Variants in ROBO2 observed in about 807,000 individuals in gnomAD.
The protein encoded by ROBO2 is roundabout guidance receptor 2.
A neutral mutation model predicts 160.8 loss-of-function variants in ROBO2; 53 were observed. The observed-to-expected ratio is 0.33, with a 90% CI of 0.26 to 0.41. ROBO2 has a LOEUF of 0.41. Among genes scored for constraint, ROBO2 ranks in the 10% least tolerant of loss-of-function variants. ROBO2 has a pLI of 1.00. For synonymous variants in ROBO2, 664 were observed against 611.7 expected, an observed-to-expected ratio of 1.09 and a Z score of -1.26; for missense variants, 1,577 against 1,722.4, an observed-to-expected ratio of 0.92 and a Z score of 1.49.
intron 2 of ROBO2, among the ~76,000 whole-genome samples, chr3:76,510,732 A>C (rs1408874368): frequency 6.6e-6 from 1 of 152,194 alleles, no homozygotes; most frequent in African/African-American, 2.4e-5. Flanking sequence ...CAAAAAAATA[A>C]AAAATAAAAT....
intron 2 of ROBO2, among the ~76,000 whole-genome samples, chr3:76,169,176 G>C (rs1040983471): frequency 2.0e-5 from 3 of 152,020 alleles, no homozygotes; most frequent in Non-Finnish European, 4.4e-5. Flanking sequence ...CTGTTCCTCT[G>C]GTTCATTTCT....
At chr3:76,530,163 G>A (rs528564136) in intron 2 of ROBO2, among the ~76,000 whole-genome samples, 7 of 152,268 alleles carry the variant, frequency 4.6e-5, no homozygotes, top group South Asian at 2.1e-4. Flanking sequence ...CACGACTACC[G>A]CTTACCCAGC....
intron 2 of ROBO2, among the ~76,000 whole-genome samples, chr3:77,130,493 A>G (rs575730189): frequency 5.3e-5 from 8 of 152,258 alleles, no homozygotes; most frequent in Non-Finnish European, 1.0e-4. Context: ...GTATAACATA[A>G]CCACATTTAT....
intron 2 of ROBO2, among the ~76,000 whole-genome samples, chr3:77,103,001 T>C (rs1379330826): frequency 6.6e-6 from 1 of 152,134 alleles, no homozygotes; most frequent in East Asian, 1.9e-4. Context: ...AGCTAATACA[T>C]AGTTTTCCAA....
chr3:77,007,202 T>C (rs2061625496), intron 2 of ROBO2, among the ~76,000 whole-genome samples: 1 of 152,172 alleles, frequency 6.6e-6, no homozygotes, highest in African/African-American at 2.4e-5. Flanking sequence ...AATCCTTTGT[T>C]AAAAGCTTTG....
chr3:76,579,321 T>C (rs1367634483), intron 2 of ROBO2, among the ~76,000 whole-genome samples: 1 of 152,210 alleles, frequency 6.6e-6, no homozygotes, highest in Admixed American at 6.5e-5. Context: ...TAATTCATTC[T>C]ATTTTTGTTG....
At chr3:76,322,435 A>G (rs1033238284) in intron 2 of ROBO2, among the ~76,000 whole-genome samples, 13 of 151,914 alleles carry the variant, frequency 8.6e-5, no homozygotes, top group African/African-American at 2.7e-4. Context: ...TATATGTTCT[A>G]AAAAGAGTTC....
intron 1 of ROBO2, among the ~76,000 whole-genome samples, chr3:77,090,770 G>A (rs1014010749): frequency 6.6e-6 from 1 of 152,114 alleles, no homozygotes; most frequent in African/African-American, 2.4e-5. Context: ...TTCCTATTGC[G>A]ATGTGTCAGG....
At chr3:76,172,844 A>G (rs2073093801) in intron 2 of ROBO2, among the ~76,000 whole-genome samples, 1 of 152,156 alleles carries the variant, frequency 6.6e-6, no homozygotes, top group East Asian at 1.9e-4. Flanking sequence ...ATGGAAAAAT[A>G]TAATAAGTTA....
chr3:77,534,110 TC>T (rs1381018957), intron 6 of ROBO2, among the ~76,000 whole-genome samples: 1 of 152,150 alleles, frequency 6.6e-6, no homozygotes, highest in African/African-American at 2.4e-5. Flanking sequence ...GTGTGCATCC[TC>T]AGCTTTCTTC....
intron 2 of ROBO2, among the ~76,000 whole-genome samples, chr3:76,128,335 T>A (rs1324239715): frequency 6.6e-6 from 1 of 152,068 alleles, no homozygotes; most frequent in Non-Finnish European, 1.5e-5. Context: ...CAAGTTTCTC[T>A]TACGAAAAAG....
chr3:76,225,979 A>G (rs1704259877), intron 2 of ROBO2, among the ~76,000 whole-genome samples: 2 of 152,156 alleles, frequency 1.3e-5, no homozygotes, highest in Non-Finnish European at 2.9e-5. Flanking sequence ...ATTGTTCAAC[A>G]TTGCCCAAAT....
intron 2 of ROBO2, among the ~76,000 whole-genome samples, chr3:76,744,487 G>A (rs1268954483): frequency 6.6e-6 from 1 of 152,068 alleles, no homozygotes; most frequent in Non-Finnish European, 1.5e-5. Flanking sequence ...AGCCTCCTGA[G>A]TAGCTGGGGC....
At chr3:77,213,858 G>A (rs770218827) in intron 2 of ROBO2, among the ~76,000 whole-genome samples, 4 of 152,202 alleles carry the variant, frequency 2.6e-5, no homozygotes, top group Non-Finnish European at 4.4e-5. Context: ...TTCAGGAGCA[G>A]GTTGTTTGGT....
In ROBO2 at chr3:77,195,976, A is replaced by C. The variant is rs2082272525; in HGVS notation, c.388+97636A>C. Reference sequence around the variant, plus strand: ...CTAGGCTGACGACACATTTTTCATCATTAATCCAGCCTATTGTAACCAGGG... The same window carrying C: ...CTAGGCTGACGACACATTTTTCATCCTTAATCCAGCCTATTGTAACCAGGG... On this transcript the variant is annotated intron_variant, in intron 2 of 25. Coordinates refer to ENST00000461745, the Ensembl canonical transcript of ROBO2. Among the ~76,000 whole-genome samples the C allele has an allele frequency of 1.3e-5, 2 of 152,222 alleles. 1 individual carries two copies. The highest frequency in any genetic ancestry group is 4.1e-4 in the South Asian group (2 of 4,830).
intron 2 of ROBO2, among the ~76,000 whole-genome samples, chr3:76,303,449 A>T (rs1456713097): frequency 6.6e-6 from 1 of 152,164 alleles, no homozygotes; most frequent in Non-Finnish European, 1.5e-5. Flanking sequence ...CTGGAGTAGC[A>T]GTGCAGTGCA....
At chr3:76,282,859 A>T (rs1049607755) in intron 2 of ROBO2, among the ~76,000 whole-genome samples, 1 of 151,814 alleles carries the variant, frequency 6.6e-6, no homozygotes, top group Non-Finnish European at 1.5e-5. Context: ...ACACATACTT[A>T]TGCATATAAA....
intron 2 of ROBO2, among the ~76,000 whole-genome samples, chr3:76,633,403 T>C (rs1215877829): frequency 6.6e-6 from 1 of 152,278 alleles, no homozygotes; most frequent in East Asian, 1.9e-4. Flanking sequence ...ACTTTTATTT[T>C]GGGGTAAAAT....
intron 2 of ROBO2, among the ~76,000 whole-genome samples, chr3:76,270,656 G>A (rs1707378306): frequency 6.6e-6 from 1 of 151,712 alleles, no homozygotes; most frequent in Non-Finnish European, 1.5e-5. Flanking sequence ...AAGCAATGTT[G>A]GATAAATGAG....
Sources: gnomAD v4.1 joint callset for allele counts (sites outside exome capture counted in the v4.1 genomes callset) on GRCh38, gnomAD v4.1.1 for gene constraint, MANE v1.5 for transcripts, NCBI Gene and HGNC (gene_info 2026-07-23, HGNC 2026-07-21) for gene names.